RASSF3: variants seen among roughly 807,000 people sequenced by gnomAD.
RASSF3 encodes Ras association domain family member 3.
RASSF3 carries 19 observed loss-of-function variants against 19.9 expected under a neutral mutation model. The observed-to-expected ratio is 0.96, with a 90% CI of 0.67 to 1.40. The LOEUF is 1.40. Among genes scored for constraint, RASSF3 ranks in the 40% most tolerant of loss-of-function variants. RASSF3 has a pLI of 0.00. For synonymous variants in RASSF3, 110 were observed against 104.2 expected (o/e 1.06, Z -0.34); for missense variants, 306 against 289.8 (o/e 1.06, Z -0.41).
chr12:64,675,372 A>T lies in RASSF3; in HGVS notation c.112-9415A>T, dbSNP rs544465320. On this transcript the variant is annotated intron_variant, in intron 1 of 4. Transcript: ENST00000542104. ...GCAATGTTGCCCAGGTTGGTCTCGAACTCCTGGGCTCAAGTGATCCTCCCA... is the reference window on the plus strand; with the variant it reads ...GCAATGTTGCCCAGGTTGGTCTCGATCTCCTGGGCTCAAGTGATCCTCCCA... 5.9e-5 allele frequency among the ~76,000 whole-genome samples: 9 copies of T among 152,058 alleles called. No individual in the cohort carries two copies. In the East Asian group the frequency reaches 1.4e-3, roughly 23 times the overall value.
At chr12:64,623,148 T>C (rs774881702) in intron 1 of RASSF3, among the ~76,000 whole-genome samples, 19 of 152,110 alleles carry the variant, frequency 1.2e-4, no homozygotes, top group Non-Finnish European at 7.4e-5. Context: ...CAAATGCTTG[T>C]TTCGAGGAAT....
At chr12:64,564,519 A>C (rs923832921) in intron 2 of RASSF3, among the ~76,000 whole-genome samples, 3 of 151,968 alleles carry the variant, frequency 2.0e-5, no homozygotes, top group African/African-American at 7.2e-5. Context: ...AGTAGCTGGG[A>C]TTACAGGTAT....
At chr12:64,532,049 G>A (rs577877456), upstream of RASSF3, among the ~76,000 whole-genome samples, 3 of 152,290 alleles carry the variant, frequency 2.0e-5, no homozygotes, top group South Asian at 2.1e-4. Flanking sequence ...GTCAACAGAA[G>A]TGGGAGATCA....
intron 2 of RASSF3, among the ~76,000 whole-genome samples, chr12:64,578,069 A>C (rs1023087826): frequency 2.2e-4 from 33 of 151,996 alleles, no homozygotes; most frequent in Non-Finnish European, 2.6e-4. Context: ...AAATACAAAA[A>C]TTAGCTGGGC....
At chr12:64,633,016 A>T (rs1028832290) in intron 1 of RASSF3, among the ~76,000 whole-genome samples, 1 of 152,192 alleles carries the variant, frequency 6.6e-6, no homozygotes, top group Non-Finnish European at 1.5e-5. Context: ...CTAGAAAATA[A>T]ATCTAAGCAG....
intron 2 of RASSF3, among the ~76,000 whole-genome samples, chr12:64,577,293 C>A (rs1378875748): frequency 6.6e-6 from 1 of 152,208 alleles, no homozygotes; most frequent in Non-Finnish European, 1.5e-5. Context: ...TAAGCTTTCC[C>A]CATCTTTGAG....
intron 1 of RASSF3, among the ~76,000 whole-genome samples, chr12:64,665,191 A>G (rs1872507103): frequency 6.6e-6 from 1 of 152,184 alleles, no homozygotes; most frequent in Non-Finnish European, 1.5e-5. Flanking sequence ...GCCTCTCGCA[A>G]CCAATTGTTT....
In RASSF3 at chr12:64,649,191, GT is replaced by G. The variant is rs34617778; in HGVS notation, c.112-35585del. 4.7e-3 allele frequency among the ~76,000 whole-genome samples: 682 copies of G among 145,214 alleles called. 9 individuals are homozygous for G. In the East Asian group the frequency reaches 0.051, roughly 11 times the overall value. On this transcript the variant is annotated intron_variant, in intron 1 of 4. Transcript: ENST00000542104. ...TCTTGGGGTCTCAGCAGCCATCTGG[GT>G]TTTTTTTTTTCTTTTTTTGGGATGG...
Position 64,678,135 on chromosome 12 carries a change from A to G in RASSF3, c.112-6652A>G, listed in dbSNP as rs534826493. Among the ~76,000 whole-genome samples, 3 of 152,328 alleles carry G rather than the reference A, an allele frequency of 2.0e-5. No individual in the cohort carries two copies. In the East Asian group the frequency reaches 5.8e-4, roughly 29 times the overall value. ...ACCTAGACTCAGTTCAGTTTGAGCT[A>G]GGCTTGAATTCCATTTGCAACATGG... On this transcript the variant is annotated intron_variant, in intron 1 of 4. Coordinates refer to ENST00000542104, the MANE Select transcript of RASSF3 (RefSeq NM_178169.4).
At chr12:64,536,100 G>A (rs967371031) in intron 1 of RASSF3, among the ~76,000 whole-genome samples, 11 of 147,656 alleles carry the variant, frequency 7.4e-5, no homozygotes, top group African/African-American at 1.0e-4. Context: ...CTGGGTTCAC[G>A]CCATTCCCCT....
At chr12:64,589,865 G>A (rs1456666871) in intron 2 of RASSF3, among the ~76,000 whole-genome samples, 3 of 151,962 alleles carry the variant, frequency 2.0e-5, no homozygotes, top group African/African-American at 4.8e-5. Context: ...AGCTGGGCAT[G>A]GTGGCACGTG....
Position 64,611,134 on chromosome 12 carries a change from TAGTC to T in RASSF3, c.111+394_111+397del, listed in dbSNP as rs200677924. Among the ~76,000 whole-genome samples, 1,381 of 152,264 alleles carry T rather than the reference TAGTC, an allele frequency of 9.1e-3. 14 individuals are homozygous for T. The highest frequency in any genetic ancestry group is 0.044 in the Middle Eastern group (13 of 294). On this transcript the variant is annotated intron_variant, in intron 1 of 4. Coordinates refer to ENST00000542104, the MANE Select transcript of RASSF3 (RefSeq NM_178169.4). ...GGGTTCGCGCGCCTGTCCTTCCTGT[TAGTC>T]AGCTTACTCATCTGTGGCCCCCAGA...
intron 2 of RASSF3, among the ~76,000 whole-genome samples, chr12:64,547,991 C>T (rs979929758): frequency 1.7e-4 from 26 of 152,000 alleles, no homozygotes; most frequent in African/African-American, 6.3e-4. Flanking sequence ...ATATGTATTT[C>T]TTCGTAAAAC....
At chr12:64,605,908 AGC>A (rs1870184173), upstream of RASSF3, among the ~76,000 whole-genome samples, 1 of 144,760 alleles carries the variant, frequency 6.9e-6, no homozygotes, top group Non-Finnish European at 1.5e-5. Context: ...AAAAAAAAAA[AGC>A]AGCGAGATAA....
chr12:64,672,037 T>C (rs1478275330), intron 1 of RASSF3, among the ~76,000 whole-genome samples: 1 of 152,146 alleles, frequency 6.6e-6, no homozygotes, highest in Admixed American at 6.6e-5. Context: ...ACTTTTACAT[T>C]TGTCTATTTT....
chr12:64,646,495 A>G (rs1009355852), intron 1 of RASSF3, among the ~76,000 whole-genome samples: 3 of 152,222 alleles, frequency 2.0e-5, no homozygotes, highest in African/African-American at 4.8e-5. Context: ...TGAATAACCA[A>G]TACATAGCCT....
chr12:64,670,274 T>C (rs1872656784), intron 1 of RASSF3, among the ~76,000 whole-genome samples: 1 of 152,148 alleles, frequency 6.6e-6, no homozygotes, highest in South Asian at 2.1e-4. Flanking sequence ...TGTTCAGTTA[T>C]GCTGGCCAAG....
At chr12:64,600,033 CAAA>C (rs34515445) in intron 2 of RASSF3, among the ~76,000 whole-genome samples, 1 of 63,984 alleles carries the variant, frequency 1.6e-5, no homozygotes, top group Admixed American at 2.0e-4. Flanking sequence ...GACTCCATCT[CAAA>C]AAAAAAAAAA....
chr12:64,638,376 C>G (rs766217031), intron 1 of RASSF3, among the ~76,000 whole-genome samples: 1 of 151,828 alleles, frequency 6.6e-6, no homozygotes, highest in Non-Finnish European at 1.5e-5. Flanking sequence ...GTCAGGAGAT[C>G]GAGACCATCC....
Sources: gnomAD v4.1 joint callset for allele counts (sites outside exome capture counted in the v4.1 genomes callset) on GRCh38, gnomAD v4.1.1 for gene constraint, MANE v1.5 for transcripts, NCBI Gene and HGNC (gene_info 2026-07-23, HGNC 2026-07-21) for gene names.